KCNH7: variants seen among roughly 807,000 people sequenced by gnomAD.
KCNH7 encodes the protein potassium voltage-gated channel subfamily H member 7.
KCNH7 carries 49 observed loss-of-function variants against 120.8 expected under a neutral mutation model. The observed-to-expected ratio is 0.41, with a 90% CI of 0.32 to 0.51. The LOEUF is 0.51. Ranked by LOEUF, KCNH7 falls within the 20% of genes least tolerant of loss-of-function variation. The pLI is 0.38. For missense variants in KCNH7, 1,097 were observed against 1,446.6 expected, an observed-to-expected ratio of 0.76 and a Z score of 3.92; for synonymous variants, 547 against 516.1, an observed-to-expected ratio of 1.06 and a Z score of -0.81.
intron 2 of KCNH7, among the ~76,000 whole-genome samples, chr2:162,812,057 CGT>C (rs769500291): frequency 4.0e-5 from 6 of 151,664 alleles, no homozygotes; most frequent in Non-Finnish European, 8.8e-5. Context: ...GTACAGCACA[CGT>C]GTGTGTGTGT....
chr2:162,826,175 T>C (rs1332495610), intron 2 of KCNH7, among the ~76,000 whole-genome samples: 2 of 152,078 alleles, frequency 1.3e-5, no homozygotes, highest in South Asian at 4.1e-4. Context: ...CCAGTGTAAG[T>C]ATGAAGCTGC....
intron 9 of KCNH7, among the ~76,000 whole-genome samples, chr2:162,405,719 A>G (rs1382255752): frequency 6.6e-6 from 1 of 151,988 alleles, no homozygotes; most frequent in Non-Finnish European, 1.5e-5. Flanking sequence ...TATCAAAATG[A>G]CATGTCTTAT....
At chr2:162,723,872 C>A (rs919354797) in intron 2 of KCNH7, among the ~76,000 whole-genome samples, 1 of 152,100 alleles carries the variant, frequency 6.6e-6, no homozygotes, top group Admixed American at 6.5e-5. Context: ...AGGCTACAAT[C>A]ATAACTAAGG....
At chr2:162,590,514 T>C (rs941215260) in intron 2 of KCNH7, among the ~76,000 whole-genome samples, 9 of 152,126 alleles carry the variant, frequency 5.9e-5, no homozygotes, top group African/African-American at 1.7e-4. Context: ...ACACAGAGCA[T>C]ATCACAGGGG....
chr2:162,705,244 C>G (rs57868709), intron 2 of KCNH7, among the ~76,000 whole-genome samples: 13,766 of 152,058 alleles, frequency 0.091, 1,931 homozygotes, highest in African/African-American at 0.3. Flanking sequence ...ACCATAAGAA[C>G]ATTCTTTAGT....
Position 162,657,562 on chromosome 2 carries a change from C to G in KCNH7, c.308-120482G>C, listed in dbSNP as rs557251522. ...AATATTCCATCGTATGGATGCACTA[C>G]AGTTTATTTATCTGTTTACCTACAT... is the stretch of plus-strand genomic sequence containing the variant. On this transcript the variant is annotated intron_variant, in intron 2 of 15. Transcript: ENST00000332142. Among the ~76,000 whole-genome samples, 5 of 152,224 alleles carry G rather than the reference C, an allele frequency of 3.3e-5. No individual in the cohort carries two copies. The South Asian group carries it at 1.0e-3, about 32-fold the overall frequency.
chr2:162,441,885 C>A (rs958344734), intron 7 of KCNH7, among the ~76,000 whole-genome samples: 1 of 151,264 alleles, frequency 6.6e-6, no homozygotes, highest in Non-Finnish European at 1.5e-5. Context: ...TAGGCAAGCC[C>A]AGTTATTGCC....
chr2:162,747,787 T>C (rs550477406), intron 2 of KCNH7, among the ~76,000 whole-genome samples: 1 of 152,318 alleles, frequency 6.6e-6, no homozygotes, highest in African/African-American at 2.4e-5. Context: ...CACCCAATAC[T>C]TATATAACAT....
chr2:162,452,177 A>C (rs1428445882), intron 6 of KCNH7, among the ~76,000 whole-genome samples: 1 of 152,072 alleles, frequency 6.6e-6, no homozygotes, highest in Non-Finnish European at 1.5e-5. Context: ...AGGAGAGAGA[A>C]GGTCTGAATT....
intron 2 of KCNH7, among the ~76,000 whole-genome samples, chr2:162,539,076 T>G (rs1692211170): frequency 6.6e-6 from 1 of 152,108 alleles, no homozygotes; most frequent in Non-Finnish European, 1.5e-5. Flanking sequence ...CCAATTCATT[T>G]AATAAAATAG....
At chr2:162,462,714 G>C (rs80067013) in intron 6 of KCNH7, among the ~76,000 whole-genome samples, 1 of 151,982 alleles carries the variant, frequency 6.6e-6, no homozygotes, top group African/African-American at 2.4e-5. Context: ...TATTGACAGG[G>C]ATTTTCTGTG....
At chr2:162,773,289 A>T (rs550109693) in intron 2 of KCNH7, among the ~76,000 whole-genome samples, 1 of 152,248 alleles carries the variant, frequency 6.6e-6, no homozygotes, top group East Asian at 1.9e-4. Context: ...AGAGTTCGAG[A>T]CCAGCCTGGC....
intron 2 of KCNH7, among the ~76,000 whole-genome samples, chr2:162,735,788 A>T (rs1687884236): frequency 6.6e-6 from 1 of 152,154 alleles, no homozygotes; most frequent in African/African-American, 2.4e-5. Context: ...TGCGATTATT[A>T]AACTCTTTCT....
intron 12 of KCNH7, among the ~76,000 whole-genome samples, chr2:162,392,063 T>A (rs1367468431): frequency 6.6e-6 from 1 of 152,030 alleles, no homozygotes; most frequent in Non-Finnish European, 1.5e-5. Flanking sequence ...TAAAGTTATC[T>A]ACAGTTTGGC....
At chr2:162,763,342 A>T (rs909422539) in intron 2 of KCNH7, among the ~76,000 whole-genome samples, 5 of 152,088 alleles carry the variant, frequency 3.3e-5, no homozygotes, top group African/African-American at 1.2e-4. Context: ...TTTATCAGTT[A>T]TTACTATGCC....
At chr2:162,424,512 C>A (rs952455148) in intron 8 of KCNH7, among the ~76,000 whole-genome samples, 3 of 152,162 alleles carry the variant, frequency 2.0e-5, no homozygotes, top group Admixed American at 1.3e-4. Flanking sequence ...ATGTTTAAAT[C>A]ACTGGAATAG....
chr2:162,641,082 A>AG (rs1189883716), intron 2 of KCNH7, among the ~76,000 whole-genome samples: 12 of 152,326 alleles, frequency 7.9e-5, no homozygotes, highest in Admixed American at 7.9e-4. Flanking sequence ...GCTGATGGGA[A>AG]GGTATAATGA....
chr2:162,451,014 A>T (rs1688750002), intron 6 of KCNH7, among the ~76,000 whole-genome samples: 1 of 152,032 alleles, frequency 6.6e-6, no homozygotes, highest in African/African-American at 2.4e-5. Context: ...AGACCCAATC[A>T]GGTAATATAA....
chr2:162,403,562 C>A (rs1687123251), intron 9 of KCNH7, among the ~76,000 whole-genome samples: 1 of 151,854 alleles, frequency 6.6e-6, no homozygotes, highest in Non-Finnish European at 1.5e-5. Context: ...TGTCCTCTGC[C>A]CCCAACATTC....
Sources: allele counts gnomAD v4.1 joint callset (sites outside exome capture counted in the v4.1 genomes callset), GRCh38; gene constraint gnomAD v4.1.1; transcripts MANE v1.5; gene names NCBI Gene and HGNC (gene_info 2026-07-23, HGNC 2026-07-21).